The following KIAA1328 variants were observed in gnomAD, a reference collection of about 807,000 sequenced individuals.
The protein encoded by KIAA1328 is protein hinderin.
Under a neutral mutation model 68.1 loss-of-function variants are expected in KIAA1328, and 52 were observed. That is an observed-to-expected ratio of 0.76 (90% CI 0.61 to 0.96). The LOEUF (loss-of-function observed/expected upper bound fraction) is 0.96. Among genes scored for constraint, KIAA1328 ranks in the 40% least tolerant of loss-of-function variants. The pLI is 0.00. For missense variants in KIAA1328, 641 were observed against 677.6 expected, an observed-to-expected ratio of 0.95 and a Z score of 0.60; for synonymous variants, 232 against 239.4, an observed-to-expected ratio of 0.97 and a Z score of 0.28.
intron 7 of KIAA1328, among the ~76,000 whole-genome samples, chr18:37,100,639 A>T (rs200968851): frequency 6.6e-6 from 1 of 152,212 alleles, no homozygotes; most frequent in African/African-American, 2.4e-5. Context: ...CTGCAGATTT[A>T]AATGTCCCTG....
intron 6 of KIAA1328, among the ~76,000 whole-genome samples, chr18:36,967,385 T>G (rs1261337282): frequency 6.6e-6 from 1 of 152,246 alleles, no homozygotes; most frequent in Admixed American, 6.5e-5. Flanking sequence ...CCTCCTCAGA[T>G]ATTCCAAATT....
rs767943482 is a variant in KIAA1328 at position 36,840,998 on chromosome 18, T to C, written c.238-3210T>C. Among the ~76,000 whole-genome samples, 2 of 152,228 alleles carry C rather than the reference T, an allele frequency of 1.3e-5. 1 individual carries two copies. Among genetic ancestry groups the C allele is most frequent in the Middle Eastern group, 6.8e-3 (2 of 294 alleles). On this transcript the variant is annotated intron_variant, in intron 3 of 9. Transcript: ENST00000280020. ...TGACAGGAGAGGAAAAGAAGGAAGA[T>C]TGACTAGGAAGAACCTCAGACTTCA...
chr18:36,829,196 TG>T lies in KIAA1328; in HGVS notation c.58+1del. 6.5e-7 allele frequency: 1 copy of T among 1,527,300 alleles called. No individual in the cohort carries two copies. Among genetic ancestry groups the T allele is most frequent in the Non-Finnish European group, 8.8e-7 (1 of 1,139,332 alleles). 94.6% of individuals were successfully genotyped at this position (1,527,300 alleles called of 1,614,324 possible). On this transcript the variant is annotated splice_donor_variant, in intron 1 of 9. Coordinates refer to ENST00000280020, the MANE Select transcript of KIAA1328 (RefSeq NM_020776.3). LOFTEE classifies it high-confidence loss of function. The stretch of plus-strand genomic sequence containing the variant: ...TGCCGCGGCGTTCTGGAGCCGGGAC[TG>T]TATCCTTTGCCCGCCTGACAGGGGG...
At chr18:37,022,902 T>G (rs1483633291) in intron 6 of KIAA1328, among the ~76,000 whole-genome samples, 1 of 152,198 alleles carries the variant, frequency 6.6e-6, no homozygotes, top group Non-Finnish European at 1.5e-5. Flanking sequence ...AGAGTTTCCT[T>G]AGTCCCTCAG....
intron 6 of KIAA1328, among the ~76,000 whole-genome samples, chr18:36,961,181 A>G (rs985552167): frequency 3.9e-5 from 6 of 152,260 alleles, no homozygotes; most frequent in Non-Finnish European, 7.3e-5. Context: ...ACAAGCTTCA[A>G]TAGCTGATTC....
intron 9 of KIAA1328, among the ~76,000 whole-genome samples, chr18:37,174,503 C>T (rs538219244): frequency 1.3e-5 from 2 of 151,418 alleles, no homozygotes; most frequent in South Asian, 2.1e-4. Flanking sequence ...CTGCCTCAGC[C>T]TCCCAAGTAG....
intron 5 of KIAA1328, among the ~76,000 whole-genome samples, chr18:36,926,827 G>T (rs558964018): frequency 6.6e-6 from 1 of 152,264 alleles, no homozygotes; most frequent in South Asian, 2.1e-4. Context: ...AAGAAAAGAC[G>T]TGTAATTGGC....
chr18:36,842,766 A>G (rs959663570), intron 3 of KIAA1328, among the ~76,000 whole-genome samples: 2 of 151,870 alleles, frequency 1.3e-5, no homozygotes, highest in Non-Finnish European at 2.9e-5. Context: ...GTTATCAGCA[A>G]CTTCCTCCAT....
chr18:37,115,688 T>G (rs1294221644), intron 7 of KIAA1328, among the ~76,000 whole-genome samples: 2 of 151,948 alleles, frequency 1.3e-5, no homozygotes, highest in Non-Finnish European at 2.9e-5. Flanking sequence ...GAGAAAGAAA[T>G]AAAAGTATTC....
intron 4 of KIAA1328, among the ~76,000 whole-genome samples, chr18:36,882,193 A>G (rs2048348321): frequency 1.3e-5 from 2 of 152,220 alleles, no homozygotes; most frequent in Admixed American, 1.3e-4. Context: ...CACTGTTGAC[A>G]TCAGGTAACA....
At chr18:36,978,358 C>T (rs998993029) in intron 6 of KIAA1328, among the ~76,000 whole-genome samples, 11 of 152,102 alleles carry the variant, frequency 7.2e-5, no homozygotes, top group South Asian at 2.1e-4. Context: ...CAGCATGAAC[C>T]AAGTTGTTTG....
chr18:37,107,596 T>C (rs2057808210), intron 7 of KIAA1328, among the ~76,000 whole-genome samples: 1 of 152,220 alleles, frequency 6.6e-6, no homozygotes. Flanking sequence ...TATTCATTCC[T>C]AGGTATTTCA....
intron 6 of KIAA1328, among the ~76,000 whole-genome samples, chr18:36,972,292 C>A (rs2052255295): frequency 6.6e-6 from 1 of 152,196 alleles, no homozygotes; most frequent in Admixed American, 6.5e-5. Flanking sequence ...ATTCAGGATA[C>A]CTTTTGTAAA....
intron 5 of KIAA1328, among the ~76,000 whole-genome samples, chr18:36,888,656 T>G (rs765067523): frequency 8.5e-5 from 13 of 152,208 alleles, no homozygotes; most frequent in Non-Finnish European, 1.8e-4. Flanking sequence ...ATGACATTTA[T>G]GGTTTTTATT....
At chr18:37,090,223 A>G (rs2057229616) in intron 7 of KIAA1328, among the ~76,000 whole-genome samples, 1 of 152,144 alleles carries the variant, frequency 6.6e-6, no homozygotes, top group Non-Finnish European at 1.5e-5. Flanking sequence ...TTAATGCCTC[A>G]CTTAAGTTTA....
intron 5 of KIAA1328, among the ~76,000 whole-genome samples, chr18:36,906,793 A>G (rs1310057713): frequency 3.3e-5 from 5 of 152,106 alleles, no homozygotes; most frequent in African/African-American, 1.2e-4. Context: ...AAGTTTTCCA[A>G]TCAGTTAGGT....
intron 3 of KIAA1328, among the ~76,000 whole-genome samples, chr18:36,836,292 A>G (rs1010129036): frequency 6.6e-6 from 1 of 152,322 alleles, no homozygotes; most frequent in African/African-American, 2.4e-5. Context: ...AAAAAAGTTA[A>G]AAAATGTTTT....
intron 8 of KIAA1328, among the ~76,000 whole-genome samples, chr18:37,169,513 C>T (rs1399266186): frequency 1.4e-5 from 2 of 146,774 alleles, no homozygotes; most frequent in South Asian, 4.3e-4. Context: ...GTGTGTGTGT[C>T]TGTGTTTGTG....
chr18:37,052,556 G>C (rs2055741013), intron 6 of KIAA1328, among the ~76,000 whole-genome samples: 1 of 151,780 alleles, frequency 6.6e-6, no homozygotes, highest in Non-Finnish European at 1.5e-5. Context: ...AATTATCTCT[G>C]TTCACTGACG....
Sources: gnomAD v4.1 joint callset for allele counts (sites outside exome capture counted in the v4.1 genomes callset) on GRCh38, gnomAD v4.1.1 for gene constraint, MANE v1.5 for transcripts, NCBI Gene and HGNC (gene_info 2026-07-23, HGNC 2026-07-21) for gene names.